CLINT1: variants seen among roughly 807,000 people sequenced by gnomAD.
CLINT1 encodes clathrin interacting protein localized in the trans-Golgi region.
A neutral mutation model predicts 70.4 loss-of-function variants in CLINT1; 15 were observed. That is an observed-to-expected ratio of 0.21 (90% CI 0.14 to 0.33). CLINT1 has a LOEUF of 0.33. Among genes scored for constraint, CLINT1 ranks in the 10% least tolerant of loss-of-function variants. The probability of loss-of-function intolerance (pLI) is 1.00; values close to 1 mark genes in which losing one functional copy is unlikely to be tolerated. For missense variants in CLINT1, 615 were observed against 778.1 expected (o/e 0.79, Z 2.49); for synonymous variants, 227 against 254.7 (o/e 0.89, Z 1.04).
intron 1 of CLINT1, among the ~76,000 whole-genome samples, chr5:157,818,466 C>CCAAAAAAAAAA (rs1561653763): frequency 1.0e-5 from 1 of 100,266 alleles, no homozygotes; most frequent in African/African-American, 4.1e-5. Flanking sequence ...GACCTGGTCT[C>CCAAAAAAAAAA]TAAAAAAAAA....
Position 157,787,601 on chromosome 5 carries a change from G to T in CLINT1, c.*45C>A. The stretch of plus-strand genomic sequence containing the variant: ...TTTTCCATCCCAACATCACCTATCT[G>T]CACAGCTAAAAATTCTTCATTCAAT... On this transcript the variant is annotated 3_prime_UTR_variant, in exon 12 of 12. Coordinates refer to ENST00000411809, the MANE Select transcript of CLINT1 (RefSeq NM_014666.4). 2 of 1,508,414 alleles carry T rather than the reference G, an allele frequency of 1.3e-6. No individual in the cohort carries two copies. The highest frequency in any genetic ancestry group is 1.8e-6 in the Non-Finnish European group (2 of 1,091,742). 93.4% of individuals were successfully genotyped at this position (1,508,414 alleles called of 1,614,324 possible).
chr5:157,791,341 A>G (rs1404834679), intron 10 of CLINT1, among the ~76,000 whole-genome samples: 1 of 152,206 alleles, frequency 6.6e-6, no homozygotes, highest in Non-Finnish European at 1.5e-5. Flanking sequence ...TACAGGGGTG[A>G]GCCACTGCGC....
intron 1 of CLINT1, among the ~76,000 whole-genome samples, chr5:157,842,532 T>C (rs913402800): frequency 6.6e-6 from 1 of 152,226 alleles, no homozygotes; most frequent in Non-Finnish European, 1.5e-5. Context: ...TTGGATATGA[T>C]GGTAACAGAC....
chr5:157,829,525 A>G (rs1195425160), intron 1 of CLINT1, among the ~76,000 whole-genome samples: 1 of 151,526 alleles, frequency 6.6e-6, no homozygotes. Context: ...CAAGAGAGAT[A>G]ATGCACTTTT....
chr5:157,824,925 A>G (rs1214024615), intron 1 of CLINT1, among the ~76,000 whole-genome samples: 1 of 152,218 alleles, frequency 6.6e-6, no homozygotes, highest in Non-Finnish European at 1.5e-5. Flanking sequence ...TGCCAAATAA[A>G]TATTTAAAAA....
intron 1 of CLINT1, among the ~76,000 whole-genome samples, chr5:157,834,339 C>T (rs1763346974): frequency 1.3e-5 from 2 of 151,678 alleles, no homozygotes; most frequent in African/African-American, 4.9e-5. Flanking sequence ...CGCCACCGCA[C>T]TCCAGCCTGG....
At chr5:157,815,544 G>A (rs1158285962) in intron 3 of CLINT1, among the ~76,000 whole-genome samples, 1 of 152,136 alleles carries the variant, frequency 6.6e-6, no homozygotes, top group Non-Finnish European at 1.5e-5. Flanking sequence ...AGGCGGAAAG[G>A]AGGGGGTGGC....
intron 1 of CLINT1, among the ~76,000 whole-genome samples, 197 bp downstream of exon 1, chr5:157,858,733 T>A (rs1045642094): frequency 1.3e-5 from 2 of 151,926 alleles, no homozygotes; most frequent in Non-Finnish European, 1.5e-5. Flanking sequence ...TGTTTTTTTT[T>A]AAAACGAGGG....
intron 1 of CLINT1, among the ~76,000 whole-genome samples, chr5:157,843,208 C>T (rs1157404396): frequency 6.6e-6 from 1 of 152,018 alleles, no homozygotes; most frequent in Non-Finnish European, 1.5e-5. Context: ...TTAATTGGAA[C>T]CTAAAAATGG....
At chr5:157,830,790 CTCTCTCTATATA>C (rs1365508330) in intron 1 of CLINT1, among the ~76,000 whole-genome samples, 1 of 124,204 alleles carries the variant, frequency 8.1e-6, no homozygotes, top group East Asian at 2.4e-4. Context: ...CTCTCTCTCT[CTCTCTCTATATA>C]TATATATATA....
At chr5:157,813,526 A>T (rs1467914390) in intron 4 of CLINT1, among the ~76,000 whole-genome samples, 1 of 152,238 alleles carries the variant, frequency 6.6e-6, no homozygotes, top group Non-Finnish European at 1.5e-5. Context: ...GATGATGACC[A>T]CACAAAATAG....
chr5:157,846,869 T>C (rs1401518097), intron 1 of CLINT1, among the ~76,000 whole-genome samples: 1 of 152,188 alleles, frequency 6.6e-6, no homozygotes, highest in East Asian at 1.9e-4. Context: ...GCCTAAATGA[T>C]GGCGCATCTG....
intron 1 of CLINT1, among the ~76,000 whole-genome samples, chr5:157,839,563 T>C (rs1763544280): frequency 6.6e-6 from 1 of 150,782 alleles, no homozygotes; most frequent in African/African-American, 2.4e-5. Context: ...GATTGTGCAC[T>C]GCACTCCAGC....
chr5:157,791,590 T>C lies in CLINT1; in HGVS notation c.1380+113A>G, dbSNP rs933115470. On this transcript the variant is annotated intron_variant, in intron 10 of 11. Coordinates refer to ENST00000411809, the MANE Select transcript of CLINT1 (RefSeq NM_014666.4). The stretch of plus-strand genomic sequence containing the variant: ...ATATACACACACAGACACATATTCA[T>C]ACACATAAAAAGGACTTGCTTATTT... 2.7e-5 allele frequency: 25 copies of C among 933,126 alleles called. No homozygotes were observed. The African/African-American group carries it at 4.0e-4, about 15-fold the overall frequency. The allele number at this position is 933,126 out of a possible 1,614,324, so 57.8% of individuals were successfully genotyped here. A position where few individuals can be genotyped will look rare whatever the true frequency, so the allele number is the denominator to read the frequency against.
intron 5 of CLINT1, among the ~76,000 whole-genome samples, chr5:157,810,243 A>G (rs1347643149): frequency 6.6e-6 from 1 of 152,230 alleles, no homozygotes; most frequent in Non-Finnish European, 1.5e-5. Context: ...ACAGTATCTT[A>G]AAAAATACAA....
chr5:157,813,501 C>T (rs1762622699), intron 4 of CLINT1, among the ~76,000 whole-genome samples: 1 of 151,972 alleles, frequency 6.6e-6, no homozygotes, highest in Admixed American at 6.6e-5. Context: ...AAAGATTGAC[C>T]TAAAAAGGAT....
At chr5:157,802,083 C>G (rs1345871454) in intron 8 of CLINT1, among the ~76,000 whole-genome samples, 4 of 152,050 alleles carry the variant, frequency 2.6e-5, no homozygotes, top group African/African-American at 9.7e-5. Context: ...TTAGTAGAGA[C>G]AGGGTTTCAC....
At chr5:157,814,677 A>G (rs1762658663) in intron 3 of CLINT1, among the ~76,000 whole-genome samples, 2 of 152,200 alleles carry the variant, frequency 1.3e-5, no homozygotes, top group African/African-American at 4.8e-5. Flanking sequence ...TAATTAAACA[A>G]TCCTATAGTA....
intron 1 of CLINT1, among the ~76,000 whole-genome samples, chr5:157,844,257 T>C (rs1218097791): frequency 6.6e-6 from 1 of 152,190 alleles, no homozygotes; most frequent in Non-Finnish European, 1.5e-5. Context: ...AAAAGAAACA[T>C]TTATATCTCA....
Sources: allele counts gnomAD v4.1 joint callset (sites outside exome capture counted in the v4.1 genomes callset), GRCh38; gene constraint gnomAD v4.1.1; transcripts MANE v1.5; gene names NCBI Gene and HGNC (gene_info 2026-07-23, HGNC 2026-07-21).